Variants in TRMO observed in about 807,000 individuals in gnomAD.
The protein encoded by TRMO is tRNA methyltransferase O, also known as tRNA (adenine(37)-N6)-methyltransferase.
Under a neutral mutation model 37.2 loss-of-function variants are expected in TRMO, and 30 were observed. The ratio of observed to expected loss-of-function variants is 0.81; its 90% CI spans 0.60 to 1.09. The LOEUF (loss-of-function observed/expected upper bound fraction) is 1.09. Ranked by LOEUF, TRMO falls within the 50% of genes least tolerant of loss-of-function variation. TRMO has a pLI of 0.00. For synonymous variants in TRMO, 239 were observed against 199.4 expected (o/e 1.20, Z -1.67); for missense variants, 552 against 549.5 (o/e 1.00, Z -0.05).
chr9:97,919,415 AAAAG>A (rs928543214), intron 1 of TRMO, among the ~76,000 whole-genome samples: 3 of 150,242 alleles, frequency 2.0e-5, no homozygotes, highest in East Asian at 1.9e-4. Context: ...AAAAGGAAAG[AAAAG>A]AAAGGAAAGG....
downstream of TRMO, among the ~76,000 whole-genome samples, chr9:97,899,683 C>T (rs1256005862): frequency 4.6e-5 from 7 of 152,054 alleles, no homozygotes; most frequent in African/African-American, 1.2e-4. Flanking sequence ...GCCAGGAGTT[C>T]GGTACCAGCC....
At chr9:97,918,097 T>G (rs1826455684) in intron 1 of TRMO, among the ~76,000 whole-genome samples, 2 of 151,434 alleles carry the variant, frequency 1.3e-5, no homozygotes, top group African/African-American at 4.9e-5. Context: ...AATCACAAAT[T>G]AGGCCAGGCG....
rs760353058 is a variant in TRMO, at chr9:97,904,793, C to A, written c.1266G>T (p.Pro422=). ...CAGTCATATGAACAGGCTCAGAAGC[C>A]GGCTTGATCCTCAGCACCTCTGCAA... The part of the protein sequence containing the change: ...DGFAEVLRIK[P]ASEPVHMTGP... The change falls in exon 5 of 5, where the codon CCG becomes CCT. Residue 422 remains proline, a synonymous_variant. Transcript: ENST00000375119. 6 of 1,614,134 alleles carry A rather than the reference C, an allele frequency of 3.7e-6. No individual in the cohort carries two copies. In the South Asian group the frequency reaches 6.6e-5, roughly 18 times the overall value.
chr9:97,902,549 G>A (rs1342296042), downstream of TRMO, among the ~76,000 whole-genome samples: 2 of 152,122 alleles, frequency 1.3e-5, no homozygotes, highest in African/African-American at 2.4e-5. Context: ...TGATCCACCC[G>A]CCTCCGCCTC....
chr9:97,916,462 A>G (rs1826366211), intron 1 of TRMO, 124 bp from the exon 2 acceptor site: 1 of 660,692 alleles, frequency 1.5e-6, no homozygotes, highest in African/African-American at 1.8e-5. Context: ...AACTATAAAA[A>G]TGATTTTTAT....
rs1826032857 is a variant in TRMO, at chr9:97,909,992, G to T, written c.1034C>A (p.Ala345Asp). 5.1e-6 allele frequency: 8 copies of T among 1,566,878 alleles called. No individual in the cohort carries two copies. The South Asian group carries it at 7.1e-5, about 14-fold the overall frequency. Residue 345 changes from alanine (A) to aspartate (D), a missense_variant, in exon 4 of 5, where the codon GCC becomes GAC. Transcript: ENST00000375119. ...ATLEVRFTPH[A>D]EMDLGQLSSQ... ...ACTGAGCTGCCCAAGGTCCATCTCG[G>T]CATGAGGAGTAAACCGCACTTCTAA...
At chr9:97,897,651 T>C in the TRMO span, among the ~76,000 whole-genome samples, 5 of 152,334 alleles carry the variant, frequency 3.3e-5, no homozygotes, top group East Asian at 7.7e-4. Context: ...GTAAAGTCTA[T>C]ACTAATATGA....
chr9:97,901,191 C>A (rs922283273), downstream of TRMO, among the ~76,000 whole-genome samples: 2 of 152,244 alleles, frequency 1.3e-5, no homozygotes, highest in African/African-American at 4.8e-5. Context: ...GCTCCCCCTA[C>A]AGGCACCAAA....
chr9:97,912,579 G>A, intron 3 of TRMO: 1 of 198,170 alleles, frequency 5.0e-6, no homozygotes, highest in Non-Finnish European at 1.1e-5. Context: ...CAAAATAACT[G>A]CTCTCATCTA....
At chr9:97,900,353 G>A (rs1032228159), downstream of TRMO, among the ~76,000 whole-genome samples, 3 of 152,222 alleles carry the variant, frequency 2.0e-5, no homozygotes, top group Admixed American at 1.3e-4. Context: ...GGCAGAAAGC[G>A]CTTGAAGTTT....
chr9:97,912,275 C>T (rs1221231499), intron 3 of TRMO: 1 of 152,654 alleles, frequency 6.6e-6, no homozygotes, highest in East Asian at 1.9e-4. Context: ...ACCTATCTGA[C>T]TTGACCTTCC....
At chr9:97,906,863 G>GAAA (rs1825878662) in intron 4 of TRMO, among the ~76,000 whole-genome samples, 1 of 148,944 alleles carries the variant, frequency 6.7e-6, no homozygotes, top group African/African-American at 2.5e-5. Flanking sequence ...AAAAAAGAAA[G>GAAA]AAAGAAAAAA....
chr9:97,909,535 G>A (rs536850748), intron 4 of TRMO, among the ~76,000 whole-genome samples: 41 of 152,142 alleles, frequency 2.7e-4, no homozygotes, highest in Non-Finnish European at 4.6e-4. Flanking sequence ...CAGAGGCTGA[G>A]CTATCGACTA....
intron 4 of TRMO, among the ~76,000 whole-genome samples, chr9:97,908,296 C>T (rs1825950575): frequency 6.6e-6 from 1 of 151,780 alleles, no homozygotes; most frequent in Non-Finnish European, 1.5e-5. Flanking sequence ...CCTGTAGTCC[C>T]AGCTACTCGG....
rs150014670 is a variant in TRMO at position 97,922,469 on chromosome 9, G to A, written c.25C>T (p.Pro9Ser). 118 of 1,586,258 alleles carry A rather than the reference G, an allele frequency of 7.4e-5. No homozygotes were observed. The highest frequency in any genetic ancestry group is 2.7e-5 in the African/African-American group (2 of 74,618). The change falls in exon 1 of 5, where the codon CCT (proline) becomes TCT (serine). Residue 9 changes from proline to serine, a missense_variant. Pro to Ser is a moderately conservative substitution (Grantham distance 74, BLOSUM62 -1). Coordinates refer to ENST00000375119, the MANE Select transcript of TRMO (RefSeq NM_016481.5). MRGLEESG[P>S]RPTATPCGCV... ...CCGCACGGGGTCGCTGTAGGCCGAG[G>A]CCCCGACTCCTCCAAGCCGCGCATG...
chr9:97,896,908 T>G, the TRMO span, among the ~76,000 whole-genome samples: 8 of 152,360 alleles, frequency 5.3e-5, no homozygotes, highest in East Asian at 1.5e-3. Context: ...AAATAATGCA[T>G]GCTTGTGATT....
chr9:97,898,599 A>T, the TRMO span, among the ~76,000 whole-genome samples: 1 of 152,052 alleles, frequency 6.6e-6, no homozygotes, highest in South Asian at 2.1e-4. Flanking sequence ...CGTTACCCAG[A>T]CTGTTCCCAA....
At chr9:97,910,879 T>G in intron 3 of TRMO, 1 of 574,016 alleles carries the variant, frequency 1.7e-6, no homozygotes, top group Non-Finnish European at 3.2e-6. Context: ...ACAAAAGCAT[T>G]CTTTCCTACA....
At chr9:97,909,510 T>C (rs568831494) in intron 4 of TRMO, among the ~76,000 whole-genome samples, 2 of 152,330 alleles carry the variant, frequency 1.3e-5, no homozygotes, top group African/African-American at 4.8e-5. Context: ...TCTGGGCTCC[T>C]AGAGTCCTCT....
Sources: gnomAD v4.1 joint callset for allele counts (sites outside exome capture counted in the v4.1 genomes callset) on GRCh38, gnomAD v4.1.1 for gene constraint, MANE v1.5 for transcripts, NCBI Gene and HGNC (gene_info 2026-07-23, HGNC 2026-07-21) for gene names.